EIF2B3: variants seen among roughly 807,000 people sequenced by gnomAD.
The protein encoded by EIF2B3 is translation initiation factor eIF2B subunit gamma.
In EIF2B3, 20 loss-of-function variants were observed where a neutral mutation model predicts 54.1. That is an observed-to-expected ratio of 0.37 (90% CI 0.26 to 0.54). EIF2B3 has a LOEUF of 0.54. Among genes scored for constraint, EIF2B3 ranks in the 20% least tolerant of loss-of-function variants. EIF2B3 has a pLI of 0.86. For missense variants in EIF2B3, 448 were observed against 547.8 expected (o/e 0.82, Z 1.82); for synonymous variants, 153 against 188.1 (o/e 0.81, Z 1.52).
chr1:44,985,363 G>C (rs576352539), intron 1 of EIF2B3, among the ~76,000 whole-genome samples: 2 of 151,668 alleles, frequency 1.3e-5, no homozygotes, highest in Non-Finnish European at 2.9e-5. Context: ...TCCTTTTCCC[G>C]AAGTGCTTCC....
chr1:44,968,565 G>T (rs778338506), intron 3 of EIF2B3, among the ~76,000 whole-genome samples: 3 of 152,122 alleles, frequency 2.0e-5, no homozygotes, highest in African/African-American at 4.8e-5. Flanking sequence ...ATTTTATCTG[G>T]ACTGTTTTGA....
chr1:44,862,911 A>G (rs1472907130), intron 10 of EIF2B3: 2 of 152,172 alleles, frequency 1.3e-5, no homozygotes, highest in East Asian at 3.9e-4. Flanking sequence ...CTCATTTTAT[A>G]ACTGAATCCT....
intron 10 of EIF2B3, among the ~76,000 whole-genome samples, chr1:44,864,972 C>CT (rs929128101): frequency 5.2e-4 from 79 of 152,310 alleles, no homozygotes; most frequent in Middle Eastern, 6.8e-3. Flanking sequence ...AATCCCAGCA[C>CT]TTTGGGAGGC....
intron 10 of EIF2B3, among the ~76,000 whole-genome samples, chr1:44,873,354 A>G (rs1444627881): frequency 6.6e-6 from 1 of 152,100 alleles, no homozygotes; most frequent in Non-Finnish European, 1.5e-5. Context: ...TATTAACATA[A>G]TTGTATTACT....
chr1:44,968,950 G>T (rs184897938), intron 3 of EIF2B3, among the ~76,000 whole-genome samples: 1 of 151,920 alleles, frequency 6.6e-6, no homozygotes, highest in South Asian at 2.1e-4. Flanking sequence ...TGTCAGTCAC[G>T]GATTCTATAT....
chr1:44,949,140 G>C (rs1644134924), intron 3 of EIF2B3, among the ~76,000 whole-genome samples: 1 of 152,174 alleles, frequency 6.6e-6, no homozygotes, highest in Non-Finnish European at 1.5e-5. Flanking sequence ...CAGGTGCTGG[G>C]ATTACAGGCA....
At position 44,982,764 on chromosome 1, in the gene EIF2B3, C is replaced by CTT. The variant is rs34092748; in HGVS notation, c.-9-1589_-9-1588dup. 3.0e-3 allele frequency among the ~76,000 whole-genome samples: 418 copies of CTT among 138,704 alleles called. 1 individual carries two copies. The highest frequency in any genetic ancestry group is 8.9e-3 in the African/African-American group (337 of 37,952). The allele number at this position is 138,704 out of a possible 152,430, so 91.0% of individuals were successfully genotyped here. On this transcript the variant is annotated intron_variant, in intron 1 of 11. Transcript: ENST00000360403. ...TACAGGTGGGTACCACCATGCCTGGCTTTTTTTTTTTTTTTGAGACGGAGT... is the reference window on the plus strand; with the variant it reads ...TACAGGTGGGTACCACCATGCCTGGCTTTTTTTTTTTTTTTTTGAGACGGAGT...
chr1:44,911,706 TG>T (rs1643518939), intron 5 of EIF2B3, among the ~76,000 whole-genome samples: 1 of 152,102 alleles, frequency 6.6e-6, no homozygotes, highest in African/African-American at 2.4e-5. Context: ...TGTTTTGTTT[TG>T]TTTTGTTTTT....
In EIF2B3 at chr1:44,874,740, G is replaced by T; in HGVS notation, c.1140C>A (p.Leu380=). The T allele has an allele frequency of 6.2e-7, 1 of 1,614,132 alleles. No homozygotes were observed. Among genetic ancestry groups the T allele is most frequent in the East Asian group, 2.2e-5 (1 of 44,886 alleles). Reference sequence around the variant, plus strand: ...TGGTAATAGTCACTCTATCTTTTATGAGACAGGATGAGCCAATGACTGAGC... The same window carrying T: ...TGGTAATAGTCACTCTATCTTTTATTAGACAGGATGAGCCAATGACTGAGC... ...IKRSVIGSSC[L]IKDRVTITNC... is the part of the protein sequence containing the mutation. Residue 380 remains leucine, a synonymous_variant, in exon 10 of 12, where the codon CTC becomes CTA. Transcript: ENST00000360403.
chr1:44,936,080 A>T (rs1025077572), intron 4 of EIF2B3, among the ~76,000 whole-genome samples: 5 of 152,064 alleles, frequency 3.3e-5, no homozygotes, highest in African/African-American at 1.2e-4. Flanking sequence ...ACAATGGCTG[A>T]ATAATAATGG....
chr1:44,916,627 C>G (rs1424093149), intron 5 of EIF2B3, among the ~76,000 whole-genome samples: 1 of 149,602 alleles, frequency 6.7e-6, no homozygotes, highest in Non-Finnish European at 1.5e-5. Context: ...TTGAGACCAG[C>G]CTGGGCAATA....
In EIF2B3 at chr1:44,852,011, CA is replaced by C. The variant is rs1242129390; in HGVS notation, c.1307-1009del. Among the ~76,000 whole-genome samples, 3 of 151,368 alleles carry C rather than the reference CA, an allele frequency of 2.0e-5. No homozygotes were observed. The East Asian group carries it at 5.8e-4, about 29-fold the overall frequency. On this transcript the variant is annotated intron_variant, in intron 11 of 11. Coordinates refer to ENST00000360403, the MANE Select transcript of EIF2B3 (RefSeq NM_020365.5). ...TCACCCAGGCTGGAGTGCAGTGGCGCAATCTTGGCTCACTGCAACCTCCGCC... is the reference window on the plus strand; with the variant it reads ...TCACCCAGGCTGGAGTGCAGTGGCGCATCTTGGCTCACTGCAACCTCCGCC...
intron 11 of EIF2B3, among the ~76,000 whole-genome samples, chr1:44,856,069 T>C (rs894040566): frequency 6.6e-6 from 1 of 152,146 alleles, no homozygotes; most frequent in South Asian, 2.1e-4. Flanking sequence ...AGAGAGCACA[T>C]GTAAAAGCAT....
Position 44,874,782 on chromosome 1 carries a change from C to T in EIF2B3, c.1098G>A (p.Glu366=), listed in dbSNP as rs150426784. 46 of 1,614,036 alleles carry T rather than the reference C, an allele frequency of 2.9e-5. No individual in the cohort carries two copies. The highest frequency in any genetic ancestry group is 3.6e-5 in the Non-Finnish European group (43 of 1,180,040). ...TGACTGAGCGCTTAATGGATGACTT[C>T]TCTCCAATCTGTGTCTCTGGCCCAA... is the stretch of plus-strand genomic sequence containing the variant. The part of the protein sequence containing the change: ...SLIGPETQIG[E]KSSIKRSVIG... Residue 366 remains glutamate (E), a synonymous_variant, in exon 10 of 12, where the codon GAG becomes GAA. Transcript: ENST00000360403.
chr1:44,924,622 G>A (rs888361943), intron 5 of EIF2B3, among the ~76,000 whole-genome samples: 3 of 152,042 alleles, frequency 2.0e-5, no homozygotes, highest in African/African-American at 7.2e-5. Context: ...TCCCGACCTT[G>A]TGATCCACCT....
intron 10 of EIF2B3, among the ~76,000 whole-genome samples, chr1:44,867,421 A>G (rs1439390312): frequency 2.0e-5 from 3 of 152,176 alleles, no homozygotes; most frequent in African/African-American, 7.2e-5. Context: ...TGGTCCTATT[A>G]GCATCCCTCA....
At position 44,919,542 on chromosome 1, in the gene EIF2B3, CAT is replaced by C. The variant is rs1303544700; in HGVS notation, c.566+7084_566+7085del. Reference sequence around the variant, plus strand: ...CGTCTCAAAATGTTGAAACACATCACATGTTGTGTCATTTTCATCAGAAGAAA... The same window carrying C: ...CGTCTCAAAATGTTGAAACACATCACGTTGTGTCATTTTCATCAGAAGAAA... On this transcript the variant is annotated intron_variant, in intron 5 of 11. Coordinates refer to ENST00000360403, the MANE Select transcript of EIF2B3 (RefSeq NM_020365.5). 2.6e-5 allele frequency among the ~76,000 whole-genome samples: 4 copies of C among 152,206 alleles called. No homozygotes were observed. The East Asian group carries it at 7.7e-4, about 29-fold the overall frequency.
At chr1:44,887,089 G>C (rs1452081384) in intron 6 of EIF2B3, among the ~76,000 whole-genome samples, 1 of 152,126 alleles carries the variant, frequency 6.6e-6, no homozygotes, top group Non-Finnish European at 1.5e-5. Flanking sequence ...AGAGCTCCAA[G>C]GATTTGTGTT....
chr1:44,952,653 C>T (rs893358530), intron 3 of EIF2B3, among the ~76,000 whole-genome samples: 1 of 151,118 alleles, frequency 6.6e-6, no homozygotes, highest in Non-Finnish European at 1.5e-5. Context: ...CCCGGGTTCA[C>T]GCCATTCTCC....
Sources: allele counts gnomAD v4.1 joint callset (sites outside exome capture counted in the v4.1 genomes callset), GRCh38; gene constraint gnomAD v4.1.1; transcripts MANE v1.5; gene names NCBI Gene and HGNC (gene_info 2026-07-23, HGNC 2026-07-21).